Variants in TP53BP2 observed in about 807,000 individuals in gnomAD.
TP53BP2 encodes the protein tumor protein p53 binding protein 2, also known as apoptosis-stimulating of p53 protein 2.
A neutral mutation model predicts 126.2 loss-of-function variants in TP53BP2; 62 were observed. That is an observed-to-expected ratio of 0.49 (90% CI 0.40 to 0.61). TP53BP2 has a LOEUF of 0.61. Among genes scored for constraint, TP53BP2 ranks in the 20% least tolerant of loss-of-function variants. The pLI is 0.00. For synonymous variants in TP53BP2, 485 were observed against 502.9 expected, an observed-to-expected ratio of 0.96 and a Z score of 0.48; for missense variants, 1,215 against 1,402.8, an observed-to-expected ratio of 0.87 and a Z score of 2.14.
intron 2 of TP53BP2, among the ~76,000 whole-genome samples, chr1:223,814,727 G>A (rs79311700): frequency 0.011 from 1,612 of 151,082 alleles, 16 homozygotes; most frequent in Non-Finnish European, 0.017. Context: ...ATGATTCTCC[G>A]AATATACAAA....
intron 2 of TP53BP2, among the ~76,000 whole-genome samples, chr1:223,815,024 TAAA>T (rs563540162): frequency 7.2e-5 from 11 of 152,128 alleles, no homozygotes; most frequent in Admixed American, 3.3e-4. Context: ...CAAGCTGTCC[TAAA>T]AAAATCTTCC....
chr1:223,821,896 T>C (rs1413868218), intron 1 of TP53BP2, among the ~76,000 whole-genome samples: 2 of 102,706 alleles, frequency 1.9e-5, no homozygotes, highest in Non-Finnish European at 3.5e-5. Flanking sequence ...AAAATTGTAC[T>C]TTTTTTTTTT....
At chr1:223,816,554 T>C (rs781756307) in intron 2 of TP53BP2, among the ~76,000 whole-genome samples, 35 of 151,994 alleles carry the variant, frequency 2.3e-4, no homozygotes, top group Non-Finnish European at 3.7e-4. Context: ...AAATGGCCAA[T>C]GAACAAATGA....
In TP53BP2 at chr1:223,784,128, C is replaced by A. The variant is rs1432044767; in HGVS notation, c.3350G>T (p.Arg1117Leu). The change falls in exon 17 of 18, where the codon CGT becomes CTT. Residue 1117 changes from arginine to leucine, a missense_variant. Transcript: ENST00000343537. Reference sequence around the variant, plus strand: ...AGAATAACTTACTCCCAGCAAGTTACGTGGAACATATCCCTCCTTATCATT... The same window carrying A: ...AGAATAACTTACTCCCAGCAAGTTAAGTGGAACATATCCCTCCTTATCATT... ...RLNDKEGYVP[R>L]NLLGLYPRIK... 3 of 1,614,168 alleles carry A rather than the reference C, an allele frequency of 1.9e-6. No homozygotes were observed. Among genetic ancestry groups the A allele is most frequent in the East Asian group, 4.5e-5 (2 of 44,888 alleles).
chr1:223,818,216 C>T (rs1232031835), intron 2 of TP53BP2: 2 of 152,382 alleles, frequency 1.3e-5, no homozygotes, highest in African/African-American at 4.8e-5. Context: ...CTTTTTTAAA[C>T]ACTAGAGGCT....
intron 1 of TP53BP2, among the ~76,000 whole-genome samples, chr1:223,842,734 A>T (rs962449503): frequency 1.3e-5 from 2 of 152,360 alleles, no homozygotes; most frequent in Admixed American, 1.3e-4. Context: ...AGTGAATAAA[A>T]GATATCTAAT....
chr1:223,808,930 T>C (rs1662818031), intron 4 of TP53BP2, among the ~76,000 whole-genome samples: 1 of 151,762 alleles, frequency 6.6e-6, no homozygotes, highest in South Asian at 2.1e-4. Context: ...ACTACACATA[T>C]ATTTTAATGG....
chr1:223,798,078 G>T, intron 12 of TP53BP2, 137 bp downstream of exon 12: 1 of 808,246 alleles, frequency 1.2e-6, no homozygotes, highest in Non-Finnish European at 1.9e-6. Flanking sequence ...TAAACTCCCA[G>T]TAAAGAACAG....
chr1:223,828,537 T>A (rs1663581357), intron 1 of TP53BP2, among the ~76,000 whole-genome samples: 1 of 152,238 alleles, frequency 6.6e-6, no homozygotes, highest in South Asian at 2.1e-4. Flanking sequence ...CTGTTGAGAC[T>A]GTTTTTCTTG....
chr1:223,824,550 AC>A (rs2102876363), intron 1 of TP53BP2, among the ~76,000 whole-genome samples: 1 of 152,194 alleles, frequency 6.6e-6, no homozygotes, highest in African/African-American at 2.4e-5. Flanking sequence ...AAGTAATGTC[AC>A]CTCTCTGAAA....
At chr1:223,831,474 AAAAAAAATATATATATATATATAT>A (rs1422150832) in intron 1 of TP53BP2, among the ~76,000 whole-genome samples, 22 of 72,210 alleles carry the variant, frequency 3.0e-4, no homozygotes, top group African/African-American at 8.2e-4. Flanking sequence ...TCTAAAAAAA[AAAAAAAATATATATATATATATAT>A]ATATATATAT....
At chr1:223,793,282 A>T in intron 14 of TP53BP2, 21 bp downstream of exon 14, 5 of 1,520,278 alleles carry the variant, frequency 3.3e-6, no homozygotes, top group Non-Finnish European at 4.4e-6. Context: ...AAAAAAAAAA[A>T]TTTACTAATT....
rs1662329439 is a variant in TP53BP2 at position 223,796,534 on chromosome 1, T to C, written c.2005A>G (p.Ile669Val). 2 of 1,613,766 alleles carry C rather than the reference T, an allele frequency of 1.2e-6. No individual in the cohort carries two copies. The highest frequency in any genetic ancestry group is 1.3e-5 in the African/African-American group (1 of 74,814). The stretch of plus-strand genomic sequence containing the variant: ...GGCTTGCCCTGGCTATTGGAATAAA[T>C]GTTCTCTGGGTGCTGCTGTTGATTC... ...AQNQQQHPEN[I>V]YSNSQGKPGS... The change falls in exon 13 of 18, where the codon ATT (isoleucine) becomes GTT (valine). Residue 669 changes from isoleucine (I) to valine (V), a missense_variant. By Grantham distance (29) the Ile-to-Val change is conservative (BLOSUM62 3). Coordinates refer to ENST00000343537, the MANE Select transcript of TP53BP2 (RefSeq NM_001031685.3). This position sits in a 1 kb window ranked among gnomAD's most constrained non-coding sequence, Gnocchi z 4.2.
chr1:223,838,164 T>C (rs940371517), intron 1 of TP53BP2, among the ~76,000 whole-genome samples: 2 of 152,180 alleles, frequency 1.3e-5, no homozygotes, highest in African/African-American at 4.8e-5. Context: ...CTTTTTTGTT[T>C]ATTTTCTCTC....
chr1:223,825,071 G>A (rs915088488), intron 1 of TP53BP2, among the ~76,000 whole-genome samples: 1 of 140,476 alleles, frequency 7.1e-6, no homozygotes, highest in African/African-American at 3.1e-5. Flanking sequence ...CCATTCTTCT[G>A]CTTTATTTCC....
chr1:223,797,845 T>TACACAC (rs139814982), intron 12 of TP53BP2, among the ~76,000 whole-genome samples: 49 of 151,366 alleles, frequency 3.2e-4, no homozygotes, highest in African/African-American at 1.2e-3. Context: ...TATATGTATA[T>TACACAC]ACACACACAC....
intron 16 of TP53BP2, among the ~76,000 whole-genome samples, chr1:223,787,668 C>A (rs1222131328): frequency 2.0e-5 from 3 of 151,976 alleles, no homozygotes; most frequent in African/African-American, 7.2e-5. Context: ...CCTAAGCTCA[C>A]GAGTTTGAGA....
intron 16 of TP53BP2, among the ~76,000 whole-genome samples, 185 bp downstream of exon 16, chr1:223,788,823 T>C (rs1170321142): frequency 6.6e-6 from 1 of 152,194 alleles, no homozygotes; most frequent in Admixed American, 6.5e-5. Flanking sequence ...TCCCTGACAA[T>C]AGCTGTTTCT....
intron 1 of TP53BP2, among the ~76,000 whole-genome samples, chr1:223,837,163 G>GGGGC (rs1553264323): frequency 8.0e-6 from 1 of 124,818 alleles, no homozygotes; most frequent in Admixed American, 8.4e-5. Context: ...AAAGGGGGGG[G>GGGGC]GCGGGGGGTC....
Sources: gnomAD v4.1 joint callset for allele counts (sites outside exome capture counted in the v4.1 genomes callset) on GRCh38, gnomAD v4.1.1 for gene constraint, Gnocchi (gnomAD v3.1) non-coding constraint, MANE v1.5 for transcripts, NCBI Gene and HGNC (gene_info 2026-07-23, HGNC 2026-07-21) for gene names.